CAPN13: variants seen among roughly 807,000 people sequenced by gnomAD.
CAPN13 encodes the protein calpain 13, also known as calpain-13.
CAPN13 carries 90 observed loss-of-function variants against 98.4 expected under a neutral mutation model. The observed-to-expected ratio is 0.92, with a 90% CI of 0.77 to 1.09. The LOEUF is 1.09. Among genes scored for constraint, CAPN13 ranks in the 50% least tolerant of loss-of-function variants. CAPN13 has a pLI of 0.00. For missense variants in CAPN13, 887 were observed against 841.3 expected (o/e 1.05, Z -0.67); for synonymous variants, 330 against 305.5 (o/e 1.08, Z -0.84).
intron 3 of CAPN13, among the ~76,000 whole-genome samples, chr2:30,776,705 G>C (rs1673716859): frequency 6.6e-6 from 1 of 152,124 alleles, no homozygotes; most frequent in South Asian, 2.1e-4. Context: ...GGATGTCGTT[G>C]TAAGCCCTTT....
At chr2:30,765,386 G>C (rs537160022) in intron 5 of CAPN13, among the ~76,000 whole-genome samples, 123 of 152,276 alleles carry the variant, frequency 8.1e-4, no homozygotes, top group African/African-American at 2.9e-3. Flanking sequence ...TTCTCGCCAG[G>C]GACCTACACG....
intron 5 of CAPN13, among the ~76,000 whole-genome samples, chr2:30,765,422 G>C (rs1673062558): frequency 2.0e-5 from 3 of 152,202 alleles, no homozygotes; most frequent in Admixed American, 2.0e-4. Context: ...AGCAGGCAGA[G>C]GCAGAGCCCT....
At chr2:30,778,320 G>A (rs1240158111) in intron 2 of CAPN13, among the ~76,000 whole-genome samples, 1 of 152,126 alleles carries the variant, frequency 6.6e-6, no homozygotes, top group Non-Finnish European at 1.5e-5. Context: ...GCCACATCTG[G>A]GAAGAATATG....
At position 30,743,922 on chromosome 2, in the gene CAPN13, T is replaced by C. The variant is rs945913895; in HGVS notation, c.1249-343A>G. On this transcript the variant is annotated intron_variant, in intron 12 of 22. Coordinates refer to ENST00000295055, the MANE Select transcript of CAPN13 (RefSeq NM_144575.3). ...CATCATTTTGACACTGATTTTCTTC[T>C]GGGGCCCCTAAAGCCCCTTCTCTCC... Among the ~76,000 whole-genome samples the C allele has an allele frequency of 3.5e-4, 53 of 152,326 alleles. 1 individual carries two copies. The highest frequency in any genetic ancestry group is 3.4e-3 in the Middle Eastern group (1 of 294).
chr2:30,738,198 G>T (rs377630629), intron 17 of CAPN13, 37 bp downstream of exon 17: 4 of 1,611,976 alleles, frequency 2.5e-6, no homozygotes, highest in East Asian at 2.2e-5. Context: ...GAGCTGAGGG[G>T]TGCTCAGAGC....
chr2:30,759,052 TTCCCTCCCTCCCTCCCTCCTCCCTCC>T (rs1672663725), intron 7 of CAPN13, among the ~76,000 whole-genome samples: 1 of 15,640 alleles, frequency 6.4e-5, no homozygotes, highest in African/African-American at 3.4e-4. Context: ...CCTTCCTTCC[TTCCCTCCCTCCCTCCCTCCTCCCTCC>T]CTTCCTCTCT....
intron 4 of CAPN13, among the ~76,000 whole-genome samples, chr2:30,772,257 C>A (rs545524534): frequency 5.9e-4 from 90 of 152,288 alleles, no homozygotes; most frequent in African/African-American, 2.1e-3. Context: ...CTTCCAAGAA[C>A]AATGCTGGAG....
chr2:30,753,631 C>T (rs1672289293), intron 9 of CAPN13, among the ~76,000 whole-genome samples: 1 of 152,166 alleles, frequency 6.6e-6, no homozygotes, highest in Non-Finnish European at 1.5e-5. Context: ...CCACCTCCTA[C>T]TGTGATTAAA....
chr2:30,745,877 CTGT>C, intron 11 of CAPN13, 143 bp from the exon 12 acceptor site: 3 of 482,038 alleles, frequency 6.2e-6, no homozygotes, highest in Non-Finnish European at 1.1e-5. Flanking sequence ...TATTTTATAT[CTGT>C]TATGCCATAA....
At chr2:30,800,056 A>T (rs908170565) in intron 1 of CAPN13, among the ~76,000 whole-genome samples, 1 of 151,642 alleles carries the variant, frequency 6.6e-6, no homozygotes, top group Non-Finnish European at 1.5e-5. Context: ...CCTGGGCTAC[A>T]GAGTGAGACT....
At chr2:30,780,336 G>C (rs943934101) in intron 2 of CAPN13, among the ~76,000 whole-genome samples, 3 of 152,210 alleles carry the variant, frequency 2.0e-5, no homozygotes, top group Non-Finnish European at 2.9e-5. Context: ...AAAACACACA[G>C]ACATACCAGA....
At chr2:30,799,628 G>A (rs1277431869) in intron 1 of CAPN13, among the ~76,000 whole-genome samples, 1 of 152,194 alleles carries the variant, frequency 6.6e-6, no homozygotes, top group East Asian at 1.9e-4. Flanking sequence ...CGTCCCTGCC[G>A]AGGGCATCCT....
At chr2:30,795,330 A>G (rs1281180562) in intron 1 of CAPN13, among the ~76,000 whole-genome samples, 7 of 152,104 alleles carry the variant, frequency 4.6e-5, no homozygotes, top group Non-Finnish European at 1.5e-5. Flanking sequence ...CAACGTCACT[A>G]AGTATGCCAA....
intron 7 of CAPN13, among the ~76,000 whole-genome samples, chr2:30,758,718 A>C (rs1672591545): frequency 6.6e-6 from 1 of 151,474 alleles, no homozygotes; most frequent in South Asian, 2.1e-4. Context: ...TTGGTCTGAG[A>C]GAATATGGCC....
chr2:30,803,719 C>T (rs1675433127), intron 1 of CAPN13, among the ~76,000 whole-genome samples: 1 of 151,988 alleles, frequency 6.6e-6, no homozygotes. Context: ...ATCTCCACTT[C>T]ATAACCCTAC....
intron 22 of CAPN13, 34 bp downstream of exon 22, chr2:30,730,696 A>T (rs1030709727): frequency 1.7e-5 from 13 of 779,126 alleles, no homozygotes; most frequent in East Asian, 7.3e-5. Flanking sequence ...TCATGCTCCC[A>T]GGAGGGAAAG....
intron 2 of CAPN13, among the ~76,000 whole-genome samples, chr2:30,783,965 G>A (rs563536564): frequency 6.6e-6 from 1 of 152,036 alleles, no homozygotes; most frequent in Non-Finnish European, 1.5e-5. Context: ...TGGATCACTC[G>A]AGGTCAGGAG....
chr2:30,757,998 A>C (rs1170506597), intron 8 of CAPN13, 48 bp downstream of exon 8: 1 of 1,447,950 alleles, frequency 6.9e-7, no homozygotes. Context: ...GGCTCTACCG[A>C]CACCAAGCGC....
chr2:30,732,296 G>T (rs1430185874), intron 20 of CAPN13, 142 bp downstream of exon 20: 34 of 952,630 alleles, frequency 3.6e-5, no homozygotes, highest in Admixed American at 7.2e-5. Flanking sequence ...CTACAGCCTC[G>T]GTTGGCACCT....
Sources: allele counts gnomAD v4.1 joint callset (sites outside exome capture counted in the v4.1 genomes callset), GRCh38; gene constraint gnomAD v4.1.1; transcripts MANE v1.5; gene names NCBI Gene and HGNC (gene_info 2026-07-23, HGNC 2026-07-21).